CMSS1: variants seen among roughly 807,000 people sequenced by gnomAD.
CMSS1 encodes the protein cms1 ribosomal small subunit homolog, also known as protein CMSS1.
CMSS1 carries 33 observed loss-of-function variants against 43.5 expected under a neutral mutation model. That is an observed-to-expected ratio of 0.76 (90% confidence interval 0.57 to 1.01). CMSS1 has a LOEUF of 1.01. CMSS1 is among the 50% of genes least tolerant of loss of function. The probability of loss-of-function intolerance (pLI) is 0.00; values close to 1 mark genes in which losing one functional copy is unlikely to be tolerated. For synonymous variants in CMSS1, 115 were observed against 117.2 expected (o/e 0.98, Z 0.12); for missense variants, 313 against 326.4 (o/e 0.96, Z 0.32).
At position 100,160,483 on chromosome 3, in the gene CMSS1, G is replaced by C. The variant is rs200360666; in HGVS notation, c.207G>C (p.Lys69Asn). 1.3e-6 allele frequency: 2 copies of C among 1,507,576 alleles called. No homozygotes were observed. The highest frequency in any genetic ancestry group is 1.7e-5 in the Admixed American group (1 of 58,014). 93.4% of individuals were successfully genotyped at this position (1,507,576 alleles called of 1,614,324 possible). ...QPKERKENTT[K>N]TRKRRKKKIT... ...AGGAAAGAAAAGAGAATACCACCAA[G>C]ACCAGGAAAAGAAGAAAGGTAATAT... The change falls in exon 3 of 10, where the codon AAG (lysine) becomes AAC (asparagine). Residue 69 changes from lysine (K) to asparagine (N), a missense_variant. Lys to Asn is a moderately conservative substitution (Grantham distance 94). Transcript: ENST00000421999.
chr3:100,155,249 C>G (rs893695751), intron 2 of CMSS1, among the ~76,000 whole-genome samples: 2 of 152,172 alleles, frequency 1.3e-5, no homozygotes, highest in Non-Finnish European at 2.9e-5. Context: ...GTCACTATTA[C>G]ATCATTATGA....
intron 1 of CMSS1, chr3:99,931,106 A>G (rs1707468620): frequency 4.9e-6 from 6 of 1,219,656 alleles, no homozygotes; most frequent in African/African-American, 4.5e-5. Context: ...CTGCTTTAAC[A>G]AGTCTACATT....
chr3:100,139,573 A>G (rs1172468442), intron 1 of CMSS1, among the ~76,000 whole-genome samples: 5 of 143,396 alleles, frequency 3.5e-5, no homozygotes, highest in Admixed American at 1.4e-4. Context: ...GTGTATGTAT[A>G]TATATGTGTA....
chr3:100,000,988 C>T (rs1171207772), intron 1 of CMSS1, among the ~76,000 whole-genome samples: 2 of 152,162 alleles, frequency 1.3e-5, no homozygotes, highest in African/African-American at 4.8e-5. Flanking sequence ...AACCTAGTTA[C>T]TGGGTGATAG....
chr3:99,860,165 A>G (rs1320191907), intron 1 of CMSS1, among the ~76,000 whole-genome samples: 1 of 152,188 alleles, frequency 6.6e-6, no homozygotes, highest in East Asian at 1.9e-4. Flanking sequence ...ATTTGGGTTA[A>G]TACTATTTTC....
At chr3:99,872,131 C>G (rs1010575687) in intron 1 of CMSS1, among the ~76,000 whole-genome samples, 3 of 152,082 alleles carry the variant, frequency 2.0e-5, no homozygotes, top group Non-Finnish European at 4.4e-5. Context: ...GGGGCCCTGG[C>G]CCTACCTCTG....
At chr3:100,130,723 TTGTACAA>T (rs1306147852) in intron 1 of CMSS1, among the ~76,000 whole-genome samples, 1 of 152,212 alleles carries the variant, frequency 6.6e-6, no homozygotes, top group Non-Finnish European at 1.5e-5. Context: ...GGCTTACATA[TTGTACAA>T]TGTGTAGTTG....
At chr3:100,078,318 A>C (rs1265983432) in intron 1 of CMSS1, among the ~76,000 whole-genome samples, 1 of 152,230 alleles carries the variant, frequency 6.6e-6, no homozygotes. Flanking sequence ...AATCCAGAGA[A>C]AACGTAGAAC....
intron 1 of CMSS1, among the ~76,000 whole-genome samples, chr3:100,009,252 G>A (rs1710074449): frequency 1.3e-5 from 2 of 152,222 alleles, no homozygotes; most frequent in East Asian, 3.9e-4. Flanking sequence ...AAGAATATAA[G>A]ATCTATCTTC....
intron 1 of CMSS1, among the ~76,000 whole-genome samples, chr3:100,057,880 T>C (rs1055204910): frequency 3.9e-5 from 6 of 152,148 alleles, no homozygotes; most frequent in Non-Finnish European, 7.4e-5. Context: ...CGGTCCAACT[T>C]CTATGTATTC....
chr3:100,085,757 G>T lies in CMSS1; in HGVS notation c.65-61216G>T, dbSNP rs1410686121. ...TCTGGGAATCAGAGCTATGCACGTG[G>T]ATGATGACCCCCTCCTAAGTGGCCA... is the stretch of plus-strand genomic sequence containing the variant. On this transcript the variant is annotated intron_variant, in intron 1 of 9. Coordinates refer to ENST00000421999, the MANE Select transcript of CMSS1 (RefSeq NM_032359.4). Among the ~76,000 whole-genome samples the T allele has an allele frequency of 3.3e-5, 5 of 152,296 alleles. No individual in the cohort carries two copies. The East Asian group carries it at 9.6e-4, about 29-fold the overall frequency.
intron 1 of CMSS1, chr3:99,897,996 C>T (rs1303424948): frequency 6.6e-6 from 1 of 152,198 alleles, no homozygotes; most frequent in Non-Finnish European, 1.5e-5. Flanking sequence ...TCTGATTCCT[C>T]ATACCAATGT....
chr3:99,923,577 T>G (rs1452175333), intron 1 of CMSS1, among the ~76,000 whole-genome samples: 5 of 152,136 alleles, frequency 3.3e-5, no homozygotes, highest in African/African-American at 1.2e-4. Context: ...CACACCCCCC[T>G]CCCAACCTCA....
chr3:99,896,255 C>G (rs1288586322), intron 1 of CMSS1, among the ~76,000 whole-genome samples: 1 of 152,076 alleles, frequency 6.6e-6, no homozygotes, highest in Non-Finnish European at 1.5e-5. Context: ...ATGTTTGAAA[C>G]AGTGAATGGA....
At chr3:100,048,694 G>A (rs952765808) in intron 1 of CMSS1, among the ~76,000 whole-genome samples, 10 of 152,124 alleles carry the variant, frequency 6.6e-5, no homozygotes, top group Non-Finnish European at 1.3e-4. Flanking sequence ...CTCACTAAAG[G>A]AAGCAATCAA....
intron 1 of CMSS1, among the ~76,000 whole-genome samples, chr3:99,821,906 T>G (rs1942445913): frequency 1.3e-5 from 2 of 151,992 alleles, no homozygotes; most frequent in Non-Finnish European, 2.9e-5. Context: ...ATTAGCCAGG[T>G]GTGGTAGCAG....
chr3:99,937,415 G>A (rs1405854766), intron 1 of CMSS1, among the ~76,000 whole-genome samples: 1 of 152,106 alleles, frequency 6.6e-6, no homozygotes, highest in Non-Finnish European at 1.5e-5. Flanking sequence ...AAATTTTCAT[G>A]TGCTTTTCTC....
intron 3 of CMSS1, among the ~76,000 whole-genome samples, chr3:100,161,725 T>C (rs720688): frequency 0.38 from 57,046 of 152,014 alleles, 10,857 homozygotes; most frequent in South Asian, 0.46. Context: ...TCAAAATCGA[T>C]GTTGGAAAGT....
At chr3:99,921,661 A>G (rs1198950314) in intron 1 of CMSS1, among the ~76,000 whole-genome samples, 2 of 152,214 alleles carry the variant, frequency 1.3e-5, no homozygotes, top group African/African-American at 2.4e-5. Flanking sequence ...CTTCTTGTTA[A>G]TGGCATGTTC....
Sources: gnomAD v4.1 joint callset for allele counts (sites outside exome capture counted in the v4.1 genomes callset) on GRCh38, gnomAD v4.1.1 for gene constraint, MANE v1.5 for transcripts, NCBI Gene and HGNC (gene_info 2026-07-23, HGNC 2026-07-21) for gene names.